The following KCNH5 variants were observed in gnomAD, a reference collection of about 807,000 sequenced individuals.
The protein encoded by KCNH5 is voltage-gated delayed rectifier potassium channel KCNH5.
In KCNH5, 46 loss-of-function variants were observed where a neutral mutation model predicts 96.1. The ratio of observed to expected loss-of-function variants is 0.48; its 90% CI spans 0.38 to 0.61. The LOEUF (loss-of-function observed/expected upper bound fraction) is 0.61, where lower values mean the gene tolerates loss of function less well. Ranked by LOEUF, KCNH5 falls within the 20% of genes least tolerant of loss-of-function variation. The pLI, the probability that KCNH5 is intolerant of heterozygous loss-of-function variation, is 0.00. For synonymous variants in KCNH5, 439 were observed against 449.8 expected (o/e 0.98, Z 0.30); for missense variants, 907 against 1,225.8 (o/e 0.74, Z 3.88).
chr14:62,786,214 T>C (rs1235976626), intron 9 of KCNH5, among the ~76,000 whole-genome samples: 1 of 151,966 alleles, frequency 6.6e-6, no homozygotes, highest in Non-Finnish European at 1.5e-5. Flanking sequence ...AATAAATAAA[T>C]AAAAATTACC....
At chr14:62,780,616 T>A (rs1886190828) in intron 9 of KCNH5, among the ~76,000 whole-genome samples, 1 of 152,164 alleles carries the variant, frequency 6.6e-6, no homozygotes, top group Non-Finnish European at 1.5e-5. Context: ...AGACGTCTTT[T>A]AAAAATTCTA....
intron 1 of KCNH5, among the ~76,000 whole-genome samples, chr14:63,034,111 G>A (rs1387699391): frequency 2.6e-5 from 4 of 151,960 alleles, no homozygotes; most frequent in African/African-American, 9.7e-5. Context: ...GTAGAGGCGG[G>A]GTTTTACCAT....
At chr14:62,938,576 C>T (rs1423983222) in intron 7 of KCNH5, among the ~76,000 whole-genome samples, 1 of 152,084 alleles carries the variant, frequency 6.6e-6, no homozygotes, top group African/African-American at 2.4e-5. Context: ...GTCTTTCGGC[C>T]TGTGAAAAAA....
chr14:62,896,825 A>C (rs1388367923), intron 7 of KCNH5, among the ~76,000 whole-genome samples: 1 of 152,224 alleles, frequency 6.6e-6, no homozygotes, highest in Non-Finnish European at 1.5e-5. Flanking sequence ...AGACATTGTC[A>C]AAGATTGTGT....
intron 10 of KCNH5, among the ~76,000 whole-genome samples, chr14:62,713,123 T>G (rs1205244012): frequency 6.6e-6 from 1 of 152,192 alleles, no homozygotes; most frequent in Non-Finnish European, 1.5e-5. Flanking sequence ...ACATTTGTAA[T>G]AAACAAATGT....
At position 62,950,134 on chromosome 14, in the gene KCNH5, G is replaced by A; in HGVS notation, c.1368C>T (p.Gly456=). The change falls in exon 7 of 11, where the codon GGC becomes GGT. Residue 456 remains glycine, a splice_region_variant and synonymous_variant. Coordinates refer to ENST00000322893, the MANE Select transcript of KCNH5 (RefSeq NM_139318.5). ...KMFSVAMMMV[G]SLLYATIFGN... is the part of the protein sequence containing the mutation. ...CAATGAAAAAATTAAAATACTTACA[G>A]CCAACCATCATCATAGCCACCGAAA... The A allele has an allele frequency of 6.2e-7, 1 of 1,612,956 alleles. No individual in the cohort carries two copies. The highest frequency in any genetic ancestry group is 8.5e-7 in the Non-Finnish European group (1 of 1,179,286).
At chr14:62,858,328 T>C (rs1406760439) in intron 7 of KCNH5, among the ~76,000 whole-genome samples, 1 of 152,226 alleles carries the variant, frequency 6.6e-6, no homozygotes, top group Non-Finnish European at 1.5e-5. Flanking sequence ...GAGTCATTTG[T>C]AGTCCTGCCT....
At chr14:62,950,108 T>G (rs1334149247) in intron 7 of KCNH5, 25 bp downstream of exon 7, 2 of 1,606,968 alleles carry the variant, frequency 1.2e-6, no homozygotes, top group Non-Finnish European at 1.7e-6. Flanking sequence ...ACAATAATTT[T>G]CAATGAAAAA....
At chr14:62,956,169 T>G (rs1468702465) in intron 6 of KCNH5, among the ~76,000 whole-genome samples, 1 of 152,202 alleles carries the variant, frequency 6.6e-6, no homozygotes, top group Non-Finnish European at 1.5e-5. Flanking sequence ...TTTCCCTCTA[T>G]GCCTCTGCAT....
At chr14:62,870,421 T>C (rs1888230473) in intron 7 of KCNH5, among the ~76,000 whole-genome samples, 1 of 152,196 alleles carries the variant, frequency 6.6e-6, no homozygotes, top group Non-Finnish European at 1.5e-5. Flanking sequence ...TAGTAATGAA[T>C]CATTTGATTA....
In KCNH5 at chr14:63,001,451, C is replaced by T; in HGVS notation, c.313G>A (p.Val105Ile). ...VLLYKKNRTP[V>I]WFYMQIAPIR... ...GGTGCAATTTGCATATAAAACCAAACAGGGGTTCCTGTAACAGAAAGAAGT... is the reference window on the plus strand; with the variant it reads ...GGTGCAATTTGCATATAAAACCAAATAGGGGTTCCTGTAACAGAAAGAAGT... Residue 105 changes from valine (V) to isoleucine (I), a missense_variant, in exon 4 of 11, where the codon GTT (valine) becomes ATT (isoleucine). Coordinates refer to ENST00000322893, the MANE Select transcript of KCNH5 (RefSeq NM_139318.5). 1.2e-6 allele frequency: 2 copies of T among 1,610,192 alleles called. No individual in the cohort carries two copies.
intron 8 of KCNH5, among the ~76,000 whole-genome samples, chr14:62,803,751 C>A (rs1886711188): frequency 6.6e-6 from 1 of 152,104 alleles, no homozygotes. Context: ...CATCGTGGAG[C>A]AAGATGTGAT....
intron 1 of KCNH5, among the ~76,000 whole-genome samples, chr14:63,038,252 T>A (rs6573477): frequency 0.1 from 15,175 of 152,250 alleles, 1,023 homozygotes; most frequent in East Asian, 0.36. Flanking sequence ...AAAAAGCATT[T>A]ATTCAACGAA....
chr14:62,993,698 A>G (rs959916284), intron 4 of KCNH5, among the ~76,000 whole-genome samples: 17 of 152,054 alleles, frequency 1.1e-4, no homozygotes, highest in African/African-American at 3.9e-4. Flanking sequence ...TACTGTATAA[A>G]CTTTGAAAAA....
intron 9 of KCNH5, among the ~76,000 whole-genome samples, chr14:62,782,945 A>G (rs918991816): frequency 6.6e-6 from 1 of 152,252 alleles, no homozygotes; most frequent in African/African-American, 2.4e-5. Context: ...AGTAATCCCA[A>G]TTATAGGCAT....
intron 4 of KCNH5, among the ~76,000 whole-genome samples, chr14:62,999,263 G>C (rs1270397727): frequency 6.6e-6 from 1 of 152,174 alleles, no homozygotes; most frequent in Non-Finnish European, 1.5e-5. Context: ...TTGTGGTTTT[G>C]ATTTGCATTT....
chr14:62,855,430 C>T (rs1270103939), intron 7 of KCNH5, among the ~76,000 whole-genome samples: 5 of 152,204 alleles, frequency 3.3e-5, no homozygotes, highest in Non-Finnish European at 5.9e-5. Flanking sequence ...GTTTTCAGGA[C>T]CACTGAAGCC....
chr14:62,916,405 T>C (rs534207087), intron 7 of KCNH5, among the ~76,000 whole-genome samples: 13 of 152,354 alleles, frequency 8.5e-5, no homozygotes, highest in African/African-American at 3.1e-4. Context: ...CCTTAATGTG[T>C]TCTTTATAAC....
intron 7 of KCNH5, among the ~76,000 whole-genome samples, chr14:62,932,939 A>T (rs988250090): frequency 2.0e-5 from 3 of 152,188 alleles, no homozygotes; most frequent in Non-Finnish European, 4.4e-5. Context: ...CATAATCTCA[A>T]AAAATTCTTT....
Sources: allele counts gnomAD v4.1 joint callset (sites outside exome capture counted in the v4.1 genomes callset), GRCh38; gene constraint gnomAD v4.1.1; transcripts MANE v1.5; gene names NCBI Gene and HGNC (gene_info 2026-07-23, HGNC 2026-07-21).